Variants in HDAC4 observed in about 807,000 individuals in gnomAD.
HDAC4 encodes histone deacetylase A.
A neutral mutation model predicts 135.1 loss-of-function variants in HDAC4; 16 were observed. The observed-to-expected ratio is 0.12, with a 90% CI of 0.08 to 0.18. The LOEUF is 0.18. HDAC4 is among the 10% of genes least tolerant of loss of function. The probability of loss-of-function intolerance (pLI) is 1.00; values close to 1 mark genes in which losing one functional copy is unlikely to be tolerated. For synonymous variants in HDAC4, 685 were observed against 653.4 expected, an observed-to-expected ratio of 1.05 and a Z score of -0.74; for missense variants, 1,143 against 1,511.8, an observed-to-expected ratio of 0.76 and a Z score of 4.05.
At chr2:239,086,674 G>A (rs1184819954) in intron 19 of HDAC4, among the ~76,000 whole-genome samples, 2 of 152,220 alleles carry the variant, frequency 1.3e-5, no homozygotes, top group African/African-American at 4.8e-5. Flanking sequence ...GGCCCCTGCG[G>A]TTCTGTCTTG....
chr2:239,324,742 G>A (rs897712505), intron 2 of HDAC4, among the ~76,000 whole-genome samples: 1 of 152,200 alleles, frequency 6.6e-6, no homozygotes, highest in African/African-American at 2.4e-5. Flanking sequence ...TGTTAAACTC[G>A]CCATCCCTTG....
At chr2:239,397,155 A>C (rs1696615960) in intron 1 of HDAC4, among the ~76,000 whole-genome samples, 1 of 152,250 alleles carries the variant, frequency 6.6e-6, no homozygotes, top group African/African-American at 2.4e-5. Flanking sequence ...TGTTCGCCCA[A>C]GCACCTCGAC....
intron 2 of HDAC4, among the ~76,000 whole-genome samples, chr2:239,332,291 CTTCTT>C (rs1264459920): frequency 8.5e-5 from 13 of 152,268 alleles, no homozygotes; most frequent in African/African-American, 2.9e-4. Flanking sequence ...CCACGGCTGA[CTTCTT>C]CTCTTCAAGT....
chr2:239,075,115 T>C (rs904352311), intron 22 of HDAC4, among the ~76,000 whole-genome samples: 1 of 148,584 alleles, frequency 6.7e-6, no homozygotes, highest in Non-Finnish European at 1.5e-5. Flanking sequence ...TCCCAGCTAC[T>C]CAGGAAGCTG....
At chr2:239,383,229 G>A (rs1695545100) in intron 1 of HDAC4, among the ~76,000 whole-genome samples, 2 of 152,144 alleles carry the variant, frequency 1.3e-5, no homozygotes, top group South Asian at 4.1e-4. Flanking sequence ...CAGCCCACAG[G>A]GGGAATCCTC....
intron 2 of HDAC4, among the ~76,000 whole-genome samples, chr2:239,255,189 C>T (rs2048984996): frequency 6.6e-6 from 1 of 152,050 alleles, no homozygotes; most frequent in Non-Finnish European, 1.5e-5. Context: ...AATGGTAAGG[C>T]AAAAACACTA....
At chr2:239,073,782 G>C (rs2034448651) in intron 22 of HDAC4, among the ~76,000 whole-genome samples, 1 of 152,266 alleles carries the variant, frequency 6.6e-6, no homozygotes, top group African/African-American at 2.4e-5. Context: ...GGCTGGGAGG[G>C]GAGAAATCAG....
chr2:239,184,019 G>GACACAC (rs147289954), intron 4 of HDAC4, among the ~76,000 whole-genome samples: 2 of 124,052 alleles, frequency 1.6e-5, no homozygotes, highest in East Asian at 2.5e-4. Flanking sequence ...AAGTCACATG[G>GACACAC]ACACACACAC....
intron 8 of HDAC4, among the ~76,000 whole-genome samples, chr2:239,143,060 A>T (rs1489432857): frequency 6.6e-6 from 1 of 151,906 alleles, no homozygotes; most frequent in Non-Finnish European, 1.5e-5. Flanking sequence ...TGGCTCCTGG[A>T]TGGTCTCACG....
intron 1 of HDAC4, among the ~76,000 whole-genome samples, chr2:239,371,236 G>A (rs1363967702): frequency 6.6e-6 from 1 of 152,146 alleles, no homozygotes. Context: ...ATAAACACGT[G>A]TGTCACTCAC....
intron 17 of HDAC4, chr2:239,091,924 A>G (rs1371855104): frequency 6.8e-6 from 1 of 147,246 alleles, no homozygotes; most frequent in Non-Finnish European, 1.5e-5. Flanking sequence ...AAAAAAAATT[A>G]GCCAGGTGCC....
intron 2 of HDAC4, among the ~76,000 whole-genome samples, chr2:239,241,963 CTTT>C (rs1243245785): frequency 6.6e-6 from 1 of 151,956 alleles, no homozygotes; most frequent in Non-Finnish European, 1.5e-5. Flanking sequence ...AAAAACCCTA[CTTT>C]TTTCTTCCAG....
intron 17 of HDAC4, chr2:239,093,936 G>A (rs1433586304): frequency 1.0e-6 from 1 of 984,252 alleles, no homozygotes; most frequent in Non-Finnish European, 1.2e-6. Context: ...CTTGGTGGTG[G>A]TATGAATAAA....
intron 2 of HDAC4, among the ~76,000 whole-genome samples, chr2:239,249,675 T>A (rs1272684651): frequency 1.3e-4 from 19 of 151,944 alleles, no homozygotes; most frequent in Non-Finnish European, 1.5e-5. Flanking sequence ...TTCAGCAGCA[T>A]CCTTTACTCT....
At position 239,303,560 on chromosome 2, in the gene HDAC4, A is replaced by G. The variant is rs2052394639; in HGVS notation, c.22+49118T>C. On this transcript the variant is annotated intron_variant, in intron 2 of 26. Transcript: ENST00000543185. This position sits in a 1 kb window ranked among gnomAD's most constrained non-coding sequence, Gnocchi z 5.1. Reference sequence around the variant, plus strand: ...TTCTCCCTTAAGAATCCTCTCATCAATGTTACGTTGTCAGCTTTCTCTGTT... The same window carrying G: ...TTCTCCCTTAAGAATCCTCTCATCAGTGTTACGTTGTCAGCTTTCTCTGTT... Among the ~76,000 whole-genome samples the G allele has an allele frequency of 6.6e-6, 1 of 151,296 alleles. No homozygotes were observed. The highest frequency in any genetic ancestry group is 1.5e-5 in the Non-Finnish European group (1 of 67,846).
chr2:239,150,876 G>A (rs988424629), intron 7 of HDAC4, among the ~76,000 whole-genome samples: 4 of 135,822 alleles, frequency 2.9e-5, no homozygotes, highest in African/African-American at 1.0e-4. Context: ...CTGCACCTCC[G>A]TATGTACCAC....
Position 239,349,188 on chromosome 2 carries a change from G to T in HDAC4, c.22+3490C>A, listed in dbSNP as rs1005186277. 6.6e-6 allele frequency among the ~76,000 whole-genome samples: 1 copy of T among 152,278 alleles called. No individual in the cohort carries two copies. Among genetic ancestry groups the T allele is most frequent in the South Asian group, 2.1e-4 (1 of 4,824 alleles). ...TGAGCCAGGCAGGCAAGAGTGAGCC[G>T]GGTGGGCAGGGCGAAGGACAGGGCC... On this transcript the variant is annotated intron_variant, in intron 2 of 26. Transcript: ENST00000543185. This position sits in a 1 kb window ranked among gnomAD's most constrained non-coding sequence, Gnocchi z 5.7.
Position 239,141,987 on chromosome 2 carries a change from G to A in HDAC4, c.866-2191C>T, listed in dbSNP as rs190951476. 2.0e-5 allele frequency among the ~76,000 whole-genome samples: 3 copies of A among 152,292 alleles called. No homozygotes were observed. Among genetic ancestry groups the A allele is most frequent in the African/African-American group, 7.2e-5 (3 of 41,542 alleles). ...GCGTGTGGCTGAAATTGAGTGGAGAGGGATGCAGGATGGCGCAGGAAGATG... is the reference window on the plus strand; with the variant it reads ...GCGTGTGGCTGAAATTGAGTGGAGAAGGATGCAGGATGGCGCAGGAAGATG... On this transcript the variant is annotated intron_variant, in intron 8 of 26. Coordinates refer to ENST00000543185, the MANE Select transcript of HDAC4 (RefSeq NM_001378414.1). This position sits in a 1 kb window ranked among gnomAD's most constrained non-coding sequence, Gnocchi z 4.9.
intron 3 of HDAC4, among the ~76,000 whole-genome samples, chr2:239,231,209 G>A (rs998566856): frequency 3.6e-4 from 55 of 152,282 alleles, no homozygotes; most frequent in Middle Eastern, 3.4e-3. Context: ...GGTACAGAGG[G>A]TGATGAAACC....
Sources: allele counts gnomAD v4.1 joint callset (sites outside exome capture counted in the v4.1 genomes callset), GRCh38; gene constraint gnomAD v4.1.1; non-coding constraint Gnocchi (gnomAD v3.1); transcripts MANE v1.5; gene names NCBI Gene and HGNC (gene_info 2026-07-23, HGNC 2026-07-21).